The following FBXO16 variants were observed in gnomAD, a reference collection of about 807,000 sequenced individuals.
FBXO16 encodes F-box only protein 16.
Under a neutral mutation model 41.0 loss-of-function variants are expected in FBXO16, and 31 were observed. The observed-to-expected ratio is 0.76, with a 90% CI of 0.57 to 1.02. The LOEUF (loss-of-function observed/expected upper bound fraction) is 1.02, where lower values mean the gene tolerates loss of function less well. Ranked by LOEUF, FBXO16 falls within the 50% of genes least tolerant of loss-of-function variation. The probability of loss-of-function intolerance (pLI) is 0.00; values close to 1 mark genes in which losing one functional copy is unlikely to be tolerated. For synonymous variants in FBXO16, 133 were observed against 117.8 expected (o/e 1.13, Z -0.84); for missense variants, 361 against 346.2 (o/e 1.04, Z -0.34).
chr8:28,451,391 T>G (rs113276652), intron 6 of FBXO16, among the ~76,000 whole-genome samples: 2,104 of 150,748 alleles, frequency 0.014, 40 homozygotes, highest in African/African-American at 0.039. Context: ...TTTTTTTTTT[T>G]TTTGTTTTTT....
chr8:28,434,635 A>G (rs148862105), intron 7 of FBXO16, among the ~76,000 whole-genome samples: 166 of 152,288 alleles, frequency 1.1e-3, no homozygotes, highest in African/African-American at 3.7e-3. Flanking sequence ...CTCCCTTTAA[A>G]AAAATCTCCC....
At chr8:28,469,469 C>G (rs1426539884) in intron 3 of FBXO16, among the ~76,000 whole-genome samples, 1 of 152,140 alleles carries the variant, frequency 6.6e-6, no homozygotes, top group Non-Finnish European at 1.5e-5. Flanking sequence ...TTAGCTGGGA[C>G]TTGAGGCATG....
intron 7 of FBXO16, among the ~76,000 whole-genome samples, chr8:28,430,910 GA>G (rs1802595843): frequency 6.6e-6 from 1 of 152,074 alleles, no homozygotes; most frequent in African/African-American, 2.4e-5. Flanking sequence ...AGGCAGAGGT[GA>G]CAGTGAGCAA....
chr8:28,437,331 A>G (rs1802701378), intron 7 of FBXO16, among the ~76,000 whole-genome samples: 1 of 152,244 alleles, frequency 6.6e-6, no homozygotes, highest in Admixed American at 6.5e-5. Flanking sequence ...AAGAGGCAAC[A>G]AGACACAACA....
intron 1 of FBXO16, among the ~76,000 whole-genome samples, chr8:28,485,756 G>T (rs1477512237): frequency 2.0e-5 from 3 of 152,194 alleles, no homozygotes; most frequent in African/African-American, 4.8e-5. Context: ...CAAAAGAAAT[G>T]ATTTCATTAC....
At chr8:28,432,197 G>A (rs921277957) in intron 7 of FBXO16, among the ~76,000 whole-genome samples, 1 of 151,584 alleles carries the variant, frequency 6.6e-6, no homozygotes, top group East Asian at 1.9e-4. Flanking sequence ...CACGAGGCCG[G>A]GTGCAGTGGC....
Position 28,484,736 on chromosome 8 carries a change from C to T in FBXO16, c.-16-1274G>A, listed in dbSNP as rs940220414. 2.6e-5 allele frequency among the ~76,000 whole-genome samples: 4 copies of T among 151,670 alleles called. No individual in the cohort carries two copies. The East Asian group carries it at 5.8e-4, about 22-fold the overall frequency. On this transcript the variant is annotated intron_variant, in intron 1 of 8. Coordinates refer to ENST00000380254, the MANE Select transcript of FBXO16 (RefSeq NM_172366.4). ...CCTCCCGGGTAGCTGGGACTACAGGCGCCCGCCATCACGCCCAGCTAATAT... is the reference window on the plus strand; with the variant it reads ...CCTCCCGGGTAGCTGGGACTACAGGTGCCCGCCATCACGCCCAGCTAATAT...
chr8:28,438,291 G>A (rs375184148), intron 7 of FBXO16, among the ~76,000 whole-genome samples: 1 of 152,096 alleles, frequency 6.6e-6, no homozygotes, highest in African/African-American at 2.4e-5. Flanking sequence ...ATTCCGGCCT[G>A]GGCAACAGAG....
chr8:28,433,071 A>AC (rs1016240966), intron 7 of FBXO16, among the ~76,000 whole-genome samples: 16 of 142,076 alleles, frequency 1.1e-4, no homozygotes, highest in South Asian at 2.3e-4. Flanking sequence ...AAAAAAAAAA[A>AC]AACAAACAAA....
intron 7 of FBXO16, among the ~76,000 whole-genome samples, chr8:28,444,779 CTTTTTT>C (rs71549666): frequency 4.2e-4 from 13 of 30,826 alleles, no homozygotes; most frequent in African/African-American, 6.0e-4. Flanking sequence ...CGCGCCCGGA[CTTTTTT>C]TTTTTTTTTT....
intron 6 of FBXO16, 23 bp from the exon 7 acceptor site, chr8:28,447,296 A>C: frequency 6.3e-7 from 1 of 1,587,440 alleles, no homozygotes; most frequent in Non-Finnish European, 8.6e-7. Context: ...AAGCAGTGGG[A>C]AAATTACAAA....
intron 3 of FBXO16, among the ~76,000 whole-genome samples, chr8:28,471,274 C>T (rs375572454): frequency 6.6e-6 from 1 of 152,166 alleles, no homozygotes; most frequent in Non-Finnish European, 1.5e-5. Flanking sequence ...TATTTTATCT[C>T]TCACTGTCTA....
chr8:28,461,021 C>T (rs1803125312), intron 4 of FBXO16, among the ~76,000 whole-genome samples: 2 of 151,884 alleles, frequency 1.3e-5, no homozygotes, highest in African/African-American at 4.8e-5. Flanking sequence ...AGGCAAGCCA[C>T]TGTGCCTGGC....
In FBXO16 at chr8:28,447,284, G is replaced by T. The variant is rs1232203400; in HGVS notation, c.741-11C>A. ...TTTCTTTTTCTTCTTCTGTAAATTGGAAAGCAGTGGGAAAATTACAAAGTA... is the reference window on the plus strand; with the variant it reads ...TTTCTTTTTCTTCTTCTGTAAATTGTAAAGCAGTGGGAAAATTACAAAGTA... On this transcript the variant is annotated splice_polypyrimidine_tract_variant and intron_variant, in intron 6 of 8. Transcript: ENST00000380254. The T allele has an allele frequency of 1.9e-6, 3 of 1,603,098 alleles. No homozygotes were observed. Among genetic ancestry groups the T allele is most frequent in the Admixed American group, 3.4e-5 (2 of 59,456 alleles).
At chr8:28,483,265 T>C in intron 2 of FBXO16, 83 bp downstream of exon 2, 3 of 1,232,680 alleles carry the variant, frequency 2.4e-6, no homozygotes, top group Non-Finnish European at 3.4e-6. Flanking sequence ...ATAATCCCTG[T>C]TCATATTTTG....
At chr8:28,468,193 C>T (rs1803275486) in intron 3 of FBXO16, among the ~76,000 whole-genome samples, 1 of 152,182 alleles carries the variant, frequency 6.6e-6, no homozygotes, top group Non-Finnish European at 1.5e-5. Flanking sequence ...CCGTCAGGAC[C>T]ATTATTCTCC....
At chr8:28,428,826 A>G in intron 8 of FBXO16, 90 bp from the exon 9 acceptor site, 2 of 1,363,386 alleles carry the variant, frequency 1.5e-6, no homozygotes, top group Non-Finnish European at 1.9e-6. Flanking sequence ...ACATAAAACG[A>G]TTTTACAAAA....
intron 7 of FBXO16, among the ~76,000 whole-genome samples, chr8:28,441,284 A>G (rs1373263323): frequency 1.3e-5 from 2 of 151,876 alleles, no homozygotes; most frequent in African/African-American, 4.8e-5. Context: ...TCGTCCCCTA[A>G]TCTCTAGACC....
intron 2 of FBXO16, among the ~76,000 whole-genome samples, chr8:28,482,633 T>C (rs1016444719): frequency 6.6e-6 from 1 of 152,122 alleles, no homozygotes; most frequent in Non-Finnish European, 1.5e-5. Flanking sequence ...TGCAATGGTG[T>C]GATCTTGGCT....
Sources: gnomAD v4.1 joint callset for allele counts (sites outside exome capture counted in the v4.1 genomes callset) on GRCh38, gnomAD v4.1.1 for gene constraint, MANE v1.5 for transcripts, NCBI Gene and HGNC (gene_info 2026-07-23, HGNC 2026-07-21) for gene names.